USP48: variants seen among roughly 807,000 people sequenced by gnomAD.
USP48 encodes ubiquitin carboxyl-terminal hydrolase 48.
Under a neutral mutation model 150.7 loss-of-function variants are expected in USP48, and 43 were observed. The observed-to-expected ratio is 0.29, with a 90% CI of 0.22 to 0.37. USP48 has a LOEUF of 0.37. Ranked by LOEUF, USP48 falls within the 10% of genes least tolerant of loss-of-function variation. The pLI is 1.00. For synonymous variants in USP48, 396 were observed against 425.9 expected (o/e 0.93, Z 0.86); for missense variants, 813 against 1,249.6 (o/e 0.65, Z 5.27).
rs2097673849 is a variant in USP48, at chr1:21,706,761, A to T, written c.2071T>A (p.Cys691Ser). 1 of 1,612,094 alleles carries T rather than the reference A, an allele frequency of 6.2e-7. No homozygotes were observed. Among genetic ancestry groups the T allele is most frequent in the Non-Finnish European group, 8.5e-7 (1 of 1,179,612 alleles). Residue 691 changes from cysteine (C) to serine (S), a missense_variant, in exon 16 of 27, where the codon TGC (cysteine) becomes AGC (serine). Cys to Ser is a moderately radical substitution (Grantham distance 112). Coordinates refer to ENST00000308271, the MANE Select transcript of USP48 (RefSeq NM_032236.8). ...TTCAGTACCTTGCACTGTGAACAGC[A>T]CTCTTTGTAACTTGGAAACTCAGGA... ...KAPEFPSYKE[C>S]CSQCKILERE...
intron 24 of USP48, 114 bp from the exon 25 acceptor site, chr1:21,687,353 G>C (rs1367275754): frequency 2.0e-6 from 2 of 984,984 alleles, no homozygotes; most frequent in Non-Finnish European, 3.1e-6. Context: ...ACACTGTCCA[G>C]TAGATAACTC....
intron 1 of USP48, among the ~76,000 whole-genome samples, chr1:21,778,142 GA>G (rs369751633): frequency 1.7e-4 from 23 of 135,258 alleles, no homozygotes; most frequent in Middle Eastern, 3.6e-3. Context: ...GACTCCGTCT[GA>G]AAAAAAAAAA....
chr1:21,761,987 C>T (rs1175830241), intron 1 of USP48, among the ~76,000 whole-genome samples: 2 of 136,926 alleles, frequency 1.5e-5, no homozygotes, highest in Non-Finnish European at 3.2e-5. Context: ...CAAAACTGGC[C>T]GGGTGCAGTG....
At position 21,766,460 on chromosome 1, in the gene USP48, T is replaced by C. The variant is rs1048751094; in HGVS notation, c.135-8677A>G. The stretch of plus-strand genomic sequence containing the variant: ...ATGAATGACTAAGTTCCTTCTATAA[T>C]ATATTGACTATAGGTAGGAGATACA... On this transcript the variant is annotated intron_variant, in intron 1 of 26. Transcript: ENST00000308271. Among the ~76,000 whole-genome samples, 5 of 152,288 alleles carry C rather than the reference T, an allele frequency of 3.3e-5. No individual in the cohort carries two copies. The South Asian group carries it at 1.0e-3, about 32-fold the overall frequency.
intron 5 of USP48, among the ~76,000 whole-genome samples, chr1:21,751,937 G>A (rs1438781666): frequency 6.7e-6 from 1 of 148,986 alleles, no homozygotes; most frequent in Non-Finnish European, 1.5e-5. Context: ...AGAATCGCTT[G>A]AACCTGGGAG....
At chr1:21,680,911 A>C (rs1341692857) in intron 25 of USP48, 77 bp from the exon 26 acceptor site, 2 of 1,163,872 alleles carry the variant, frequency 1.7e-6, no homozygotes, top group African/African-American at 1.6e-5. Flanking sequence ...TCAATGCTTA[A>C]AGACAAAAGT....
intron 4 of USP48, 66 bp downstream of exon 4, chr1:21,752,926 A>G: frequency 1.3e-6 from 2 of 1,499,608 alleles, no homozygotes; most frequent in Non-Finnish European, 1.8e-6. Flanking sequence ...ATCTCCCTTT[A>G]TAAACATGCT....
Position 21,690,113 on chromosome 1 carries a change from A to G in USP48, c.2884-14T>C, listed in dbSNP as rs745676313. On this transcript the variant is annotated splice_polypyrimidine_tract_variant and intron_variant, in intron 23 of 26. Transcript: ENST00000308271. The stretch of plus-strand genomic sequence containing the variant: ...TGCATGCATGATCTGTGCCAATATA[A>G]AAGAGAGAAAGTCCGTATAATGCAA... 2.4e-5 allele frequency: 39 copies of G among 1,608,874 alleles called. No homozygotes were observed. In the South Asian group the frequency reaches 2.4e-4, roughly 10 times the overall value.
chr1:21,743,731 A>G (rs142563344), intron 8 of USP48, among the ~76,000 whole-genome samples: 1 of 152,282 alleles, frequency 6.6e-6, no homozygotes, highest in African/African-American at 2.4e-5. Context: ...GGTACCAGAA[A>G]TATTTTTCTT....
chr1:21,725,646 G>A (rs989438743), intron 11 of USP48, among the ~76,000 whole-genome samples: 1 of 151,996 alleles, frequency 6.6e-6, no homozygotes, highest in African/African-American at 2.4e-5. Context: ...CCAGCTATTC[G>A]GGAGGCTGAG....
intron 13 of USP48, 52 bp from the exon 14 acceptor site, chr1:21,721,218 T>C: frequency 6.3e-7 from 1 of 1,597,632 alleles, no homozygotes; most frequent in Non-Finnish European, 8.6e-7. Context: ...CCAAACACTG[T>C]CCTCCCTTCT....
intron 15 of USP48, among the ~76,000 whole-genome samples, chr1:21,709,063 C>A (rs2097682942): frequency 6.6e-6 from 1 of 151,860 alleles, no homozygotes. Flanking sequence ...GCATGAGCCA[C>A]CATGCCCGCC....
chr1:21,703,624 G>GT lies in USP48; in HGVS notation c.2516-7_2516-6insA. On this transcript the variant is annotated splice_region_variant and splice_polypyrimidine_tract_variant and intron_variant, in intron 20 of 26. Coordinates refer to ENST00000308271, the MANE Select transcript of USP48 (RefSeq NM_032236.8). Reference sequence around the variant, plus strand: ...TCTGCATTCTGGACAGAGTTCTTTGGGGGAAAAAAAAAAAGGGAAAACAGA... The same window carrying GT: ...TCTGCATTCTGGACAGAGTTCTTTGGTGGGAAAAAAAAAAAGGGAAAACAGA... 1 of 1,581,338 alleles carries GT rather than the reference G, an allele frequency of 6.3e-7. No homozygotes were observed. The highest frequency in any genetic ancestry group is 8.6e-7 in the Non-Finnish European group (1 of 1,168,628).
chr1:21,714,198 A>T (rs2097698075), intron 15 of USP48, among the ~76,000 whole-genome samples: 1 of 152,230 alleles, frequency 6.6e-6, no homozygotes, highest in African/African-American at 2.4e-5. Context: ...AAATTACCAC[A>T]TAACAAGAAA....
At chr1:21,707,418 A>G (rs1025244151) in intron 15 of USP48, among the ~76,000 whole-genome samples, 1 of 152,244 alleles carries the variant, frequency 6.6e-6, no homozygotes, top group Non-Finnish European at 1.5e-5. Context: ...ATTCAAACAG[A>G]AGATAAAGCA....
At chr1:21,722,615 C>A (rs978278345) in intron 12 of USP48, among the ~76,000 whole-genome samples, 11 of 147,300 alleles carry the variant, frequency 7.5e-5, no homozygotes, top group African/African-American at 2.8e-4. Context: ...GAGGCCGAGG[C>A]AGGTCAATCA....
rs531610755 is a variant in USP48 at position 21,729,936 on chromosome 1, C to T, written c.1172-104G>A. On this transcript the variant is annotated intron_variant, in intron 9 of 26. Coordinates refer to ENST00000308271, the MANE Select transcript of USP48 (RefSeq NM_032236.8). ...ATTTCCAAAATATACACCCAAGACA[C>T]ATTAACACCAATCTAAAACATTCAA... 234 of 1,348,042 alleles carry T rather than the reference C, an allele frequency of 1.7e-4. 2 individuals are homozygous for T. The South Asian group carries it at 3.3e-3, about 19-fold the overall frequency. 83.5% of individuals were successfully genotyped at this position (1,348,042 alleles called of 1,614,324 possible).
chr1:21,756,120 G>A (rs1310088982), intron 3 of USP48, among the ~76,000 whole-genome samples: 1 of 151,440 alleles, frequency 6.6e-6, no homozygotes, highest in African/African-American at 2.4e-5. Flanking sequence ...AACCGAGATT[G>A]TGCCATTGCA....
chr1:21,709,264 G>T (rs944471761), intron 15 of USP48, among the ~76,000 whole-genome samples: 1 of 151,868 alleles, frequency 6.6e-6, no homozygotes, highest in Non-Finnish European at 1.5e-5. Flanking sequence ...ATCCCCAAAA[G>T]ATTATTTTGC....
Sources: allele counts gnomAD v4.1 joint callset (sites outside exome capture counted in the v4.1 genomes callset), GRCh38; gene constraint gnomAD v4.1.1; transcripts MANE v1.5; gene names NCBI Gene and HGNC (gene_info 2026-07-23, HGNC 2026-07-21).